The following ZMAT5 variants were observed in gnomAD, a reference collection of about 807,000 sequenced individuals.
ZMAT5 encodes zinc finger matrin-type 5.
ZMAT5 carries 23 observed loss-of-function variants against 28.0 expected under a neutral mutation model. That is an observed-to-expected ratio of 0.82 (90% CI 0.59 to 1.16). The LOEUF is 1.16. Ranked by LOEUF, ZMAT5 falls within the 50% of genes most tolerant of loss-of-function variation. The probability of loss-of-function intolerance (pLI) is 0.00; values close to 1 mark genes in which losing one functional copy is unlikely to be tolerated. For missense variants in ZMAT5, 173 were observed against 212.7 expected (o/e 0.81, Z 1.16); for synonymous variants, 76 against 84.1 (o/e 0.90, Z 0.52).
rs1344495606 is a variant in ZMAT5 at position 29,738,314 on chromosome 22, C to T, written c.383+16G>A. The stretch of plus-strand genomic sequence containing the variant: ...CCCCAGGGGGCACAGCGGGAGGGAA[C>T]CCTGGGGACCTGTACCTGCTACTTG... On this transcript the variant is annotated intron_variant, in intron 5 of 5. Coordinates refer to ENST00000344318, the MANE Select transcript of ZMAT5 (RefSeq NM_001003692.2). 1.2e-6 allele frequency: 2 copies of T among 1,606,384 alleles called. No individual in the cohort carries two copies. The highest frequency in any genetic ancestry group is 1.7e-6 in the Non-Finnish European group (2 of 1,178,796).
At chr22:29,732,533 C>T (rs1601712298) in intron 5 of ZMAT5, among the ~76,000 whole-genome samples, 3 of 151,912 alleles carry the variant, frequency 2.0e-5, no homozygotes, top group East Asian at 1.9e-4. Flanking sequence ...ATCAGGAGAT[C>T]GAGACCATCC....
chr22:29,762,568 T>C (rs1217592621), intron 1 of ZMAT5, among the ~76,000 whole-genome samples: 1 of 152,222 alleles, frequency 6.6e-6, no homozygotes, highest in African/African-American at 2.4e-5. Flanking sequence ...GGGATCTAGG[T>C]TGCACGCTCC....
intron 5 of ZMAT5, among the ~76,000 whole-genome samples, chr22:29,734,841 C>T (rs558189171): frequency 6.6e-6 from 1 of 152,254 alleles, no homozygotes; most frequent in East Asian, 1.9e-4. Context: ...CCAGCCCCAG[C>T]CCCAGCCCTG....
chr22:29,736,928 G>A (rs1601715890), intron 5 of ZMAT5, among the ~76,000 whole-genome samples: 2 of 151,600 alleles, frequency 1.3e-5, no homozygotes, highest in African/African-American at 4.9e-5. Context: ...TCAGGAGGCT[G>A]AGGCAGGAGA....
intron 1 of ZMAT5, among the ~76,000 whole-genome samples, chr22:29,759,581 A>G (rs1211675078): frequency 6.6e-6 from 1 of 152,124 alleles, no homozygotes; most frequent in East Asian, 1.9e-4. Context: ...CCTGGGCAAC[A>G]TAGTGAGACC....
At position 29,742,387 on chromosome 22, in the gene ZMAT5, G is replaced by T. The variant is rs755097562; in HGVS notation, c.190+31C>A. On this transcript the variant is annotated intron_variant, in intron 3 of 5. Transcript: ENST00000344318. ...GGCAGGCTGGATATCGCAGGTCCCC[G>T]CAGGGACCTGAGCTGTGCAGAGGAC... is the stretch of plus-strand genomic sequence containing the variant. The T allele has an allele frequency of 3.1e-6, 5 of 1,608,914 alleles. No homozygotes were observed. In the South Asian group the frequency reaches 5.5e-5, roughly 18 times the overall value.
chr22:29,752,467 A>G (rs2147230951), intron 1 of ZMAT5, among the ~76,000 whole-genome samples: 1 of 151,914 alleles, frequency 6.6e-6, no homozygotes, highest in Non-Finnish European at 1.5e-5. Flanking sequence ...CTGCCCACCC[A>G]TGCCCTCCTC....
chr22:29,751,949 C>G (rs131268), intron 1 of ZMAT5, among the ~76,000 whole-genome samples: 80,577 of 151,670 alleles, frequency 0.53, 21,751 homozygotes, highest in East Asian at 0.62. Flanking sequence ...CTGGACAACA[C>G]AGCAAGACCC....
At chr22:29,762,359 G>A (rs1219530481) in intron 1 of ZMAT5, among the ~76,000 whole-genome samples, 1 of 152,248 alleles carries the variant, frequency 6.6e-6, no homozygotes, top group African/African-American at 2.4e-5. Flanking sequence ...CCAGGCCCCG[G>A]AACGGTACGG....
chr22:29,759,346 C>T (rs1246471421), intron 1 of ZMAT5, among the ~76,000 whole-genome samples: 2 of 152,160 alleles, frequency 1.3e-5, no homozygotes, highest in Non-Finnish European at 2.9e-5. Flanking sequence ...GAACTCAGCT[C>T]CTCACCTCTG....
intron 1 of ZMAT5, among the ~76,000 whole-genome samples, chr22:29,753,989 A>C (rs2068077387): frequency 6.6e-6 from 1 of 151,982 alleles, no homozygotes; most frequent in South Asian, 2.1e-4. Flanking sequence ...CCAGACACAC[A>C]ACTTGGCAAG....
At chr22:29,760,560 T>G (rs1281798469) in intron 1 of ZMAT5, among the ~76,000 whole-genome samples, 1 of 152,072 alleles carries the variant, frequency 6.6e-6, no homozygotes, top group African/African-American at 2.4e-5. Flanking sequence ...AATAGTCTCC[T>G]GGGTCAGGTC....
rs749053253 is a variant in ZMAT5, at chr22:29,731,129, C to T, written c.*96G>A. ...CTCAGTGAGGCTGGGCAGATGGTCTCGGAGCCTCCATGGGGCGTAGCAGGA... is the reference window on the plus strand; with the variant it reads ...CTCAGTGAGGCTGGGCAGATGGTCTTGGAGCCTCCATGGGGCGTAGCAGGA... On this transcript the variant is annotated 3_prime_UTR_variant, in exon 6 of 6. Transcript: ENST00000344318. 2.9e-4 allele frequency: 392 copies of T among 1,337,792 alleles called. No homozygotes were observed. Among genetic ancestry groups the T allele is most frequent in the Non-Finnish European group, 3.3e-4 (334 of 1,017,730 alleles). The allele number at this position is 1,337,792 out of a possible 1,614,324, so 82.9% of individuals were successfully genotyped here.
At chr22:29,753,325 G>A (rs1181470989) in intron 1 of ZMAT5, among the ~76,000 whole-genome samples, 1 of 152,216 alleles carries the variant, frequency 6.6e-6, no homozygotes, top group Non-Finnish European at 1.5e-5. Flanking sequence ...AGGAGTTAGA[G>A]ACCAGCCTGG....
At chr22:29,759,254 T>C (rs1433698916) in intron 1 of ZMAT5, among the ~76,000 whole-genome samples, 2 of 152,148 alleles carry the variant, frequency 1.3e-5, no homozygotes, top group Non-Finnish European at 2.9e-5. Flanking sequence ...GAACTGTCTC[T>C]GCCTCCCGCT....
intron 4 of ZMAT5, among the ~76,000 whole-genome samples, 167 bp from the exon 5 acceptor site, chr22:29,738,608 G>A (rs115992383): frequency 0.014 from 2,092 of 152,126 alleles, 41 homozygotes; most frequent in African/African-American, 0.046. Flanking sequence ...ATCTGTGCAC[G>A]AGGGCCCAGC....
intron 4 of ZMAT5, 96 bp downstream of exon 4, chr22:29,740,554 G>T: frequency 2.3e-6 from 3 of 1,308,030 alleles, no homozygotes; most frequent in Non-Finnish European, 3.2e-6. Flanking sequence ...TGCCAATGAT[G>T]GGGAGATAGG....
intron 5 of ZMAT5, among the ~76,000 whole-genome samples, chr22:29,735,376 G>C (rs1335111837): frequency 2.0e-5 from 3 of 152,334 alleles, no homozygotes; most frequent in Admixed American, 2.0e-4. Flanking sequence ...CCCCTGGAAG[G>C]GGCCAGGCTG....
intron 1 of ZMAT5, among the ~76,000 whole-genome samples, chr22:29,756,736 C>G (rs1049583002): frequency 1.3e-5 from 2 of 151,666 alleles, no homozygotes; most frequent in Non-Finnish European, 2.9e-5. Flanking sequence ...TAGTTAGACC[C>G]CATCTCCACA....
Sources: allele counts gnomAD v4.1 joint callset (sites outside exome capture counted in the v4.1 genomes callset), GRCh38; gene constraint gnomAD v4.1.1; transcripts MANE v1.5; gene names NCBI Gene and HGNC (gene_info 2026-07-23, HGNC 2026-07-21).